Variants in KCND2 observed in about 807,000 individuals in gnomAD.
KCND2 encodes potassium voltage-gated channel subfamily D member 2.
Under a neutral mutation model 54.4 loss-of-function variants are expected in KCND2, and 16 were observed. That is an observed-to-expected ratio of 0.29 (90% CI 0.20 to 0.45). The LOEUF is 0.45. Ranked by LOEUF, KCND2 falls within the 20% of genes least tolerant of loss-of-function variation. KCND2 has a pLI of 1.00. For missense variants in KCND2, 486 were observed against 824.2 expected (o/e 0.59, Z 5.02); for synonymous variants, 317 against 310.7 (o/e 1.02, Z -0.21).
intron 1 of KCND2, among the ~76,000 whole-genome samples, chr7:120,574,320 A>G (rs1792400117): frequency 6.6e-6 from 1 of 152,200 alleles, no homozygotes; most frequent in South Asian, 2.1e-4. Flanking sequence ...AATGAACAGA[A>G]ATATTTGTCA....
chr7:120,594,601 C>A (rs1792710871), intron 1 of KCND2, among the ~76,000 whole-genome samples: 1 of 152,210 alleles, frequency 6.6e-6, no homozygotes, highest in Non-Finnish European at 1.5e-5. Flanking sequence ...CAGTCCATAG[C>A]ACCCAGCATA....
intron 1 of KCND2, among the ~76,000 whole-genome samples, chr7:120,337,916 T>C (rs1403521055): frequency 1.3e-5 from 2 of 152,194 alleles, no homozygotes; most frequent in African/African-American, 4.8e-5. Context: ...GAAAAAAGTC[T>C]GTTTGAACAT....
intron 1 of KCND2, among the ~76,000 whole-genome samples, chr7:120,514,012 T>A (rs565140751): frequency 7.9e-5 from 12 of 152,232 alleles, no homozygotes; most frequent in Non-Finnish European, 1.5e-4. Context: ...TTAATAATAA[T>A]GTCCTAAACT....
chr7:120,322,029 T>C (rs1799899072), intron 1 of KCND2, among the ~76,000 whole-genome samples: 1 of 151,926 alleles, frequency 6.6e-6, no homozygotes. Context: ...ATATTGCAAG[T>C]AGAGAGAACA....
chr7:120,410,849 A>G (rs1801439303), intron 1 of KCND2, among the ~76,000 whole-genome samples: 2 of 151,818 alleles, frequency 1.3e-5, no homozygotes, highest in South Asian at 4.2e-4. Context: ...TTCCAGCTTC[A>G]TCCATGTCCC....
intron 1 of KCND2, among the ~76,000 whole-genome samples, chr7:120,595,503 G>GTGTGTGTATATATATGTATATA (rs1239470282): frequency 2.1e-5 from 3 of 144,124 alleles, no homozygotes; most frequent in Non-Finnish European, 4.5e-5. Flanking sequence ...ATATATGTGT[G>GTGTGTGTATATATATGTATATA]TGTGTGTATA....
chr7:120,315,943 T>A (rs573295664), intron 1 of KCND2, among the ~76,000 whole-genome samples: 84 of 152,184 alleles, frequency 5.5e-4, no homozygotes, highest in African/African-American at 1.9e-3. Context: ...TGTATCAGAA[T>A]TCCAGATTTC....
chr7:120,448,843 A>T (rs1320448180), intron 1 of KCND2, among the ~76,000 whole-genome samples: 1 of 152,202 alleles, frequency 6.6e-6, no homozygotes, highest in Non-Finnish European at 1.5e-5. Flanking sequence ...TAAAATGTGG[A>T]TCTATTTGAC....
chr7:120,676,131 C>T (rs556775108), intron 1 of KCND2, among the ~76,000 whole-genome samples: 1 of 152,252 alleles, frequency 6.6e-6, no homozygotes, highest in Non-Finnish European at 1.5e-5. Flanking sequence ...AGCCACCGTG[C>T]CCAACCTCTC....
intron 1 of KCND2, among the ~76,000 whole-genome samples, chr7:120,652,444 G>A (rs1038770039): frequency 1.3e-5 from 2 of 152,148 alleles, no homozygotes; most frequent in African/African-American, 4.8e-5. Flanking sequence ...GAGACACAGT[G>A]ATTCTCCTGT....
At chr7:120,614,732 G>A (rs1792999855) in intron 1 of KCND2, among the ~76,000 whole-genome samples, 1 of 152,164 alleles carries the variant, frequency 6.6e-6, no homozygotes, top group Non-Finnish European at 1.5e-5. Flanking sequence ...TTTTTCTAAT[G>A]TTAAGTAATT....
At chr7:120,516,709 A>T (rs555892449) in intron 1 of KCND2, among the ~76,000 whole-genome samples, 1 of 152,298 alleles carries the variant, frequency 6.6e-6, no homozygotes, top group African/African-American at 2.4e-5. Context: ...CCTGAATTTA[A>T]TTTGATAGAA....
At chr7:120,349,856 C>A (rs2116381090) in intron 1 of KCND2, among the ~76,000 whole-genome samples, 1 of 152,180 alleles carries the variant, frequency 6.6e-6, no homozygotes, top group Non-Finnish European at 1.5e-5. Flanking sequence ...TAGTCCACTG[C>A]AGATGTAATA....
intron 1 of KCND2, among the ~76,000 whole-genome samples, chr7:120,328,683 C>T (rs574193139): frequency 1.8e-3 from 281 of 152,200 alleles, no homozygotes; most frequent in African/African-American, 6.3e-3. Flanking sequence ...AATTTCTGAT[C>T]TACAGGTAAC....
intron 1 of KCND2, among the ~76,000 whole-genome samples, chr7:120,371,004 A>G (rs943143364): frequency 6.6e-6 from 1 of 152,080 alleles, no homozygotes; most frequent in African/African-American, 2.4e-5. Context: ...ATTTCTCCCT[A>G]GTTGCAGCTC....
chr7:120,363,067 G>A (rs976779337), intron 1 of KCND2, among the ~76,000 whole-genome samples: 3 of 152,002 alleles, frequency 2.0e-5, no homozygotes, highest in Non-Finnish European at 4.4e-5. Flanking sequence ...TTGGGAGGTC[G>A]ACATGGGAGG....
intron 1 of KCND2, among the ~76,000 whole-genome samples, chr7:120,549,650 C>T (rs182277360): frequency 5.8e-4 from 89 of 152,210 alleles, no homozygotes; most frequent in South Asian, 3.1e-3. Flanking sequence ...GCAGGTTTTC[C>T]CTTTACTCTA....
intron 1 of KCND2, among the ~76,000 whole-genome samples, chr7:120,411,114 A>T (rs1801444267): frequency 6.6e-6 from 1 of 152,012 alleles, no homozygotes; most frequent in African/African-American, 2.4e-5. Flanking sequence ...CAATGTGCAA[A>T]AGTCTTCTTT....
intron 1 of KCND2, among the ~76,000 whole-genome samples, chr7:120,413,471 A>G (rs1265859182): frequency 6.6e-6 from 1 of 151,944 alleles, no homozygotes; most frequent in African/African-American, 2.4e-5. Flanking sequence ...TTTGATATAT[A>G]ATGTCAATAT....
Sources: allele counts gnomAD v4.1 joint callset (sites outside exome capture counted in the v4.1 genomes callset), GRCh38; gene constraint gnomAD v4.1.1; transcripts MANE v1.5; gene names NCBI Gene and HGNC (gene_info 2026-07-23, HGNC 2026-07-21).